EEF1AKMT2: variants seen among roughly 807,000 people sequenced by gnomAD.
EEF1AKMT2 encodes EEF1A lysine methyltransferase 2.
Under a neutral mutation model 35.8 loss-of-function variants are expected in EEF1AKMT2, and 32 were observed. The observed-to-expected ratio is 0.89, with a 90% CI of 0.67 to 1.20. The LOEUF is 1.20. EEF1AKMT2 is among the 50% of genes most tolerant of loss of function. The pLI, the probability that EEF1AKMT2 is intolerant of heterozygous loss-of-function variation, is 0.00. For missense variants in EEF1AKMT2, 330 were observed against 347.5 expected, an observed-to-expected ratio of 0.95 and a Z score of 0.40; for synonymous variants, 121 against 133.7, an observed-to-expected ratio of 0.91 and a Z score of 0.65.
At chr10:124,774,614 A>G (rs928359066) in intron 4 of EEF1AKMT2, 61 bp downstream of exon 4, 180 of 868,650 alleles carry the variant, frequency 2.1e-4, no homozygotes, top group Admixed American at 1.3e-4. Context: ...CTGTCAATTA[A>G]TATGCTCTAG....
At chr10:124,790,049 G>A (rs1589796044) in intron 2 of EEF1AKMT2, among the ~76,000 whole-genome samples, 8 of 152,088 alleles carry the variant, frequency 5.3e-5, no homozygotes, top group Middle Eastern at 6.8e-3. Flanking sequence ...GCGCCACCAT[G>A]CCTGGCTAAT....
In EEF1AKMT2 at chr10:124,781,245, A is replaced by G. The variant is rs188315784; in HGVS notation, c.292-6463T>C. Among the ~76,000 whole-genome samples the G allele has an allele frequency of 5.5e-4, 83 of 151,348 alleles. 1 individual carries two copies. In the East Asian group the frequency reaches 0.015, roughly 28 times the overall value. ...AGGCGTGAGCCACCGTGCCCAGCCC[A>G]TAACATTTTTAAAGTACTGAAAGAA... On this transcript the variant is annotated intron_variant, in intron 3 of 6. Transcript: ENST00000368836.
At position 124,759,673 on chromosome 10, in the gene EEF1AKMT2, G is replaced by A. The variant is rs1484354827; in HGVS notation, c.*830C>T. 2.0e-5 allele frequency: 3 copies of A among 152,126 alleles called. No homozygotes were observed. The highest frequency in any genetic ancestry group is 4.4e-5 in the Non-Finnish European group (3 of 68,026). 9.4% of individuals were successfully genotyped at this position (152,126 alleles called of 1,614,324 possible). ...TCTCTCAGCTTCATTTTCCTTATAC[G>A]TAGAAACAAGAACAAGCAATACATA... On this transcript the variant is annotated 3_prime_UTR_variant, in exon 7 of 7. Transcript: ENST00000368836.
At chr10:124,788,770 C>A (rs1179118655) in intron 3 of EEF1AKMT2, among the ~76,000 whole-genome samples, 3 of 125,940 alleles carry the variant, frequency 2.4e-5, no homozygotes, top group Non-Finnish European at 3.4e-5. Context: ...CAATAGCAAT[C>A]ACCTAGTCAC....
At chr10:124,784,604 A>G (rs1382321617) in intron 3 of EEF1AKMT2, among the ~76,000 whole-genome samples, 2 of 150,082 alleles carry the variant, frequency 1.3e-5, no homozygotes, top group African/African-American at 4.9e-5. Flanking sequence ...ATCAGGAAGA[A>G]AAAAAAAAAG....
In EEF1AKMT2 at chr10:124,790,274, A is replaced by T. The variant is rs1302106826; in HGVS notation, c.175T>A (p.Trp59Arg). The change falls in exon 2 of 7, where the codon TGG becomes AGG. Residue 59 changes from tryptophan to arginine, a missense_variant and splice_region_variant. Trp to Arg is a moderately radical substitution (Grantham distance 101, BLOSUM62 -3). Transcript: ENST00000368836. ...FREYGDTGEI[W>R]FGEESMNRLI... ...AACTTGATTCTTTTCCTAACTCACC[A>T]GATTTCACCTGTATCTCCATATTCT... 6.2e-7 allele frequency: 1 copy of T among 1,604,504 alleles called. No homozygotes were observed. The highest frequency in any genetic ancestry group is 8.5e-7 in the Non-Finnish European group (1 of 1,171,244).
At chr10:124,789,461 C>G (rs1950615512) in intron 2 of EEF1AKMT2, among the ~76,000 whole-genome samples, 1 of 152,128 alleles carries the variant, frequency 6.6e-6, no homozygotes, top group African/African-American at 2.4e-5. Flanking sequence ...ATGCTGTCAT[C>G]AAACGTAAAT....
intron 2 of EEF1AKMT2, 95 bp downstream of exon 2, chr10:124,790,178 C>T: frequency 3.1e-6 from 3 of 969,300 alleles, no homozygotes; most frequent in Non-Finnish European, 4.9e-6. Flanking sequence ...CAGGCGTAAG[C>T]CACCGCGCCC....
In EEF1AKMT2 at chr10:124,758,920, G is replaced by A. The variant is rs1950307775; in HGVS notation, c.*1583C>T. On this transcript the variant is annotated 3_prime_UTR_variant, in exon 7 of 7. Coordinates refer to ENST00000368836, the MANE Select transcript of EEF1AKMT2 (RefSeq NM_212554.4). ...AAGCTTTTCAAAAAATGTTATTTTTGTTGACAGTCCACATACATGTCTTCA... is the reference window on the plus strand; with the variant it reads ...AAGCTTTTCAAAAAATGTTATTTTTATTGACAGTCCACATACATGTCTTCA... The A allele has an allele frequency of 1.3e-5, 2 of 151,956 alleles. No homozygotes were observed. Among genetic ancestry groups the A allele is most frequent in the African/African-American group, 2.4e-5 (1 of 41,384 alleles). The allele number at this position is 151,956 out of a possible 1,614,324, so 9.4% of individuals were successfully genotyped here.
chr10:124,761,108 T>G (rs371686279), intron 6 of EEF1AKMT2, among the ~76,000 whole-genome samples: 116 of 152,348 alleles, frequency 7.6e-4, no homozygotes, highest in African/African-American at 2.6e-3. Context: ...TCTCAAGTGA[T>G]CCACCCACCT....
At chr10:124,763,496 C>T (rs1299538563) in intron 5 of EEF1AKMT2, among the ~76,000 whole-genome samples, 3 of 152,062 alleles carry the variant, frequency 2.0e-5, no homozygotes, top group African/African-American at 7.2e-5. Context: ...TGTTACTGTC[C>T]CATATCTAAC....
At chr10:124,756,725 C>A (rs1003330347), downstream of EEF1AKMT2, among the ~76,000 whole-genome samples, 1 of 152,140 alleles carries the variant, frequency 6.6e-6, no homozygotes, top group Admixed American at 6.6e-5. Context: ...TCTTACCCGT[C>A]GCTTTTCAGA....
chr10:124,768,244 C>T (rs970883024), intron 4 of EEF1AKMT2, among the ~76,000 whole-genome samples: 1 of 152,184 alleles, frequency 6.6e-6, no homozygotes, highest in Non-Finnish European at 1.5e-5. Flanking sequence ...GGTTCAGAAT[C>T]TATTTACAAT....
chr10:124,772,420 C>CTT (rs59707540), intron 4 of EEF1AKMT2, among the ~76,000 whole-genome samples: 63 of 75,404 alleles, frequency 8.4e-4, no homozygotes, highest in African/African-American at 2.6e-3. Context: ...TTTTCTTTTT[C>CTT]TTTTTTTTTT....
Position 124,760,308 on chromosome 10 carries a change from G to T in EEF1AKMT2, c.*195C>A. ...ATACTCTATTCAACATGTGCATCCTGTGTACTTACTAAGCATTTATTTGCA... is the reference window on the plus strand; with the variant it reads ...ATACTCTATTCAACATGTGCATCCTTTGTACTTACTAAGCATTTATTTGCA... On this transcript the variant is annotated 3_prime_UTR_variant, in exon 7 of 7. Coordinates refer to ENST00000368836, the MANE Select transcript of EEF1AKMT2 (RefSeq NM_212554.4). The T allele has an allele frequency of 1.4e-6, 1 of 704,140 alleles. No individual in the cohort carries two copies. The highest frequency in any genetic ancestry group is 2.5e-6 in the Non-Finnish European group (1 of 406,772). The allele number at this position is 704,140 out of a possible 1,614,324, so 43.6% of individuals were successfully genotyped here. A position where few individuals can be genotyped will look rare whatever the true frequency, so the allele number is the denominator to read the frequency against.
intron 5 of EEF1AKMT2, among the ~76,000 whole-genome samples, chr10:124,764,421 GATAAA>G (rs1241828673): frequency 1.3e-5 from 2 of 152,008 alleles, no homozygotes; most frequent in Non-Finnish European, 2.9e-5. Flanking sequence ...AAAACTGGCA[GATAAA>G]ATATTTCTTA....
At position 124,791,788 on chromosome 10, in the gene EEF1AKMT2, G is replaced by T. The variant is rs1950638033; in HGVS notation, c.46C>A (p.Arg16=). ...TCCCCGGGACTGCCCTTGTCCGACC[G>T]CGCCGCCACCGCAGCGCCACCGCCG... ...DGGGGAAVAA[R]SDKGSPGEDG... is the part of the protein sequence containing the mutation. The change falls in exon 1 of 7, where the codon CGG becomes AGG. Residue 16 remains arginine (R), a synonymous_variant. Coordinates refer to ENST00000368836, the MANE Select transcript of EEF1AKMT2 (RefSeq NM_212554.4). 5.0e-6 allele frequency: 8 copies of T among 1,592,420 alleles called. No homozygotes were observed. Among genetic ancestry groups the T allele is most frequent in the East Asian group, 2.3e-5 (1 of 44,192 alleles).
chr10:124,790,346 AAC>A lies in EEF1AKMT2; in HGVS notation c.111-10_111-9del, dbSNP rs1950623867. 6.2e-7 allele frequency: 1 copy of A among 1,601,520 alleles called. No individual in the cohort carries two copies. The highest frequency in any genetic ancestry group is 1.3e-5 in the African/African-American group (1 of 74,686). On this transcript the variant is annotated splice_polypyrimidine_tract_variant and intron_variant, in intron 1 of 6. Transcript: ENST00000368836. ...TCATAGACAGCATCCCAACTATGTA[AAC>A]AATGAAATGCAAAGCAAGACTCTTG...
chr10:124,786,768 C>G (rs1006308032), intron 3 of EEF1AKMT2, among the ~76,000 whole-genome samples: 4 of 151,876 alleles, frequency 2.6e-5, no homozygotes, highest in African/African-American at 9.7e-5. Context: ...TGAGATCGCA[C>G]CACTGCACTC....
Sources: gnomAD v4.1 joint callset for allele counts (sites outside exome capture counted in the v4.1 genomes callset) on GRCh38, gnomAD v4.1.1 for gene constraint, MANE v1.5 for transcripts, NCBI Gene and HGNC (gene_info 2026-07-23, HGNC 2026-07-21) for gene names.